The following NPSR1 variants were observed in gnomAD, a reference collection of about 807,000 sequenced individuals.
NPSR1 encodes the protein neuropeptide S receptor.
In NPSR1, 48 loss-of-function variants were observed where a neutral mutation model predicts 46.9. The observed-to-expected ratio is 1.02, with a 90% CI of 0.81 to 1.30. The LOEUF (loss-of-function observed/expected upper bound fraction) is 1.30. Ranked by LOEUF, NPSR1 falls within the 50% of genes most tolerant of loss-of-function variation. The probability of loss-of-function intolerance (pLI) is 0.00; values close to 1 mark genes in which losing one functional copy is unlikely to be tolerated. For synonymous variants in NPSR1, 176 were observed against 168.1 expected, an observed-to-expected ratio of 1.05 and a Z score of -0.36; for missense variants, 450 against 449.5, an observed-to-expected ratio of 1.00 and a Z score of -0.01.
chr7:34,778,432 T>G (rs1182637718), intron 2 of NPSR1, 30 bp from the exon 3 acceptor site: 1 of 1,261,354 alleles, frequency 7.9e-7, no homozygotes, highest in East Asian at 2.4e-5. Flanking sequence ...AAATAAACCC[T>G]GAATGTAAGC....
Position 34,716,690 on chromosome 7 carries a change from G to A in NPSR1, c.280+32006G>A, listed in dbSNP as rs560777339. Among the ~76,000 whole-genome samples, 88 of 152,000 alleles carry A rather than the reference G, an allele frequency of 5.8e-4. 3 individuals carry two copies. The highest frequency in any genetic ancestry group is 2.1e-4 in the South Asian group (1 of 4,810). The stretch of plus-strand genomic sequence containing the variant: ...TGATATCACCAGGTTTTTTTAAACC[G>A]CTGGCCAGGTATCCCCTCACAATCC... On this transcript the variant is annotated intron_variant, in intron 2 of 8. Coordinates refer to ENST00000360581, the MANE Select transcript of NPSR1 (RefSeq NM_207172.2).
At position 34,746,054 on chromosome 7, in the gene NPSR1, ACACTCAGAAC is replaced by A. The variant is rs1173927718; in HGVS notation, c.281-32403_281-32394del. Among the ~76,000 whole-genome samples, 4 of 152,356 alleles carry A rather than the reference ACACTCAGAAC, an allele frequency of 2.6e-5. No individual in the cohort carries two copies. The East Asian group carries it at 5.8e-4, about 22-fold the overall frequency. ...TGACCCTCAGAGGTCCTCAGACTAC[ACACTCAGAAC>A]CACTTCACTAAAGCATCCATCGATA... On this transcript the variant is annotated intron_variant, in intron 2 of 8. Transcript: ENST00000360581.
intron 5 of NPSR1, among the ~76,000 whole-genome samples, chr7:34,830,171 C>T (rs1790049779): frequency 6.6e-6 from 1 of 152,198 alleles, no homozygotes; most frequent in Non-Finnish European, 1.5e-5. Flanking sequence ...ATATAAGGTT[C>T]AACTCTTATT....
intron 4 of NPSR1, among the ~76,000 whole-genome samples, chr7:34,815,020 A>G (rs1217747497): frequency 6.6e-6 from 1 of 152,200 alleles, no homozygotes; most frequent in East Asian, 1.9e-4. Flanking sequence ...CCTCCAAAGG[A>G]CTGCAACTCC....
At chr7:34,839,728 G>C (rs1364529936) in intron 6 of NPSR1, among the ~76,000 whole-genome samples, 1 of 152,120 alleles carries the variant, frequency 6.6e-6, no homozygotes, top group East Asian at 1.9e-4. Flanking sequence ...ATTCAAGCAG[G>C]TGGAGATTCT....
chr7:34,867,878 A>G (rs1791352221), intron 8 of NPSR1, among the ~76,000 whole-genome samples: 1 of 151,906 alleles, frequency 6.6e-6, no homozygotes, highest in Non-Finnish European at 1.5e-5. Context: ...TCTGTAGAAT[A>G]AATAAAGTAA....
At chr7:34,860,782 G>A (rs1327038504) in intron 8 of NPSR1, among the ~76,000 whole-genome samples, 1 of 151,864 alleles carries the variant, frequency 6.6e-6, no homozygotes, top group Non-Finnish European at 1.5e-5. Context: ...TTTTAGTACT[G>A]TTGTAAAAAG....
chr7:34,719,818 G>A (rs1165907908), intron 2 of NPSR1: 1 of 152,040 alleles, frequency 6.6e-6, no homozygotes, highest in Admixed American at 6.6e-5. Context: ...TCTAGAAGAT[G>A]GGAAAAATGA....
At chr7:34,776,784 T>C (rs1038005995) in intron 2 of NPSR1, among the ~76,000 whole-genome samples, 1 of 152,152 alleles carries the variant, frequency 6.6e-6, no homozygotes, top group African/African-American at 2.4e-5. Flanking sequence ...AGGTGATGAA[T>C]GTTGCCAGGA....
chr7:34,752,991 C>T (rs1035612202), intron 2 of NPSR1, among the ~76,000 whole-genome samples: 2 of 152,202 alleles, frequency 1.3e-5, no homozygotes, highest in African/African-American at 4.8e-5. Context: ...CCCTGAAACA[C>T]TAGAATGTGA....
At chr7:34,778,644 A>G in intron 3 of NPSR1, 79 bp downstream of exon 3, 2 of 919,944 alleles carry the variant, frequency 2.2e-6, no homozygotes, top group Non-Finnish European at 3.5e-6. Flanking sequence ...AAAATCATAT[A>G]AAACCTTGCA....
intron 5 of NPSR1, among the ~76,000 whole-genome samples, chr7:34,831,073 C>G (rs973260283): frequency 2.6e-5 from 4 of 152,200 alleles, no homozygotes; most frequent in Non-Finnish European, 4.4e-5. Context: ...TCCCTAACCT[C>G]CAACCTCACT....
At chr7:34,792,532 CAT>C (rs1394249688) in intron 3 of NPSR1, among the ~76,000 whole-genome samples, 1 of 138,084 alleles carries the variant, frequency 7.2e-6, no homozygotes, top group Non-Finnish European at 1.5e-5. Context: ...TATATATGTA[CAT>C]ATATACACAC....
At chr7:34,694,744 T>C (rs1212925967) in intron 2 of NPSR1, among the ~76,000 whole-genome samples, 1 of 152,214 alleles carries the variant, frequency 6.6e-6, no homozygotes, top group Non-Finnish European at 1.5e-5. Flanking sequence ...GGAGTCTCGC[T>C]CTGTCACCAG....
intron 4 of NPSR1, among the ~76,000 whole-genome samples, chr7:34,815,123 C>T (rs1022567207): frequency 2.6e-5 from 4 of 152,032 alleles, no homozygotes; most frequent in African/African-American, 7.2e-5. Flanking sequence ...ACTACTCCTC[C>T]GAGCTAAAGG....
chr7:34,713,012 T>C (rs1327057709), intron 2 of NPSR1, among the ~76,000 whole-genome samples: 1 of 152,232 alleles, frequency 6.6e-6, no homozygotes, highest in Non-Finnish European at 1.5e-5. Flanking sequence ...AGGAGATCCA[T>C]GTGAGCTGCC....
In NPSR1 at chr7:34,827,513, C is replaced by T. The variant is rs114485438; in HGVS notation, c.591C>T (p.Cys197=). The T allele has an allele frequency of 6.2e-6, 10 of 1,613,866 alleles. No homozygotes were observed. The highest frequency in any genetic ancestry group is 4.0e-5 in the African/African-American group (3 of 74,888). ...CACTGTCCAACGGTGAAGTGCAGTG[C>T]TGGGCCCTGTGGCCTGACGACTCCT... ...KRTLSNGEVQ[C]WALWPDDSYW... Residue 197 remains cysteine, a synonymous_variant, in exon 5 of 9, where the codon TGC becomes TGT. Coordinates refer to ENST00000360581, the MANE Select transcript of NPSR1 (RefSeq NM_207172.2).
At chr7:34,813,465 T>A (rs1789091874) in intron 4 of NPSR1, among the ~76,000 whole-genome samples, 1 of 152,178 alleles carries the variant, frequency 6.6e-6, no homozygotes, top group Non-Finnish European at 1.5e-5. Context: ...CCTCAAATGC[T>A]ATATAGCCTG....
At chr7:34,753,372 T>G (rs1338909728) in intron 2 of NPSR1, 1 of 152,214 alleles carries the variant, frequency 6.6e-6, no homozygotes, top group Non-Finnish European at 1.5e-5. Flanking sequence ...AGAAGTTGAA[T>G]GCTATTCTGA....
Sources: gnomAD v4.1 joint callset for allele counts (sites outside exome capture counted in the v4.1 genomes callset) on GRCh38, gnomAD v4.1.1 for gene constraint, MANE v1.5 for transcripts, NCBI Gene and HGNC (gene_info 2026-07-23, HGNC 2026-07-21) for gene names.